Variants in CRISPLD2 observed in about 807,000 individuals in gnomAD.
The protein encoded by CRISPLD2 is cysteine rich secretory protein LCCL domain containing 2, also known as cysteine-rich secretory protein LCCL domain-containing 2.
Under a neutral mutation model 71.1 loss-of-function variants are expected in CRISPLD2, and 47 were observed. That is an observed-to-expected ratio of 0.66 (90% CI 0.52 to 0.84). The LOEUF (loss-of-function observed/expected upper bound fraction) is 0.84. Among genes scored for constraint, CRISPLD2 ranks in the 40% least tolerant of loss-of-function variants. The probability of loss-of-function intolerance (pLI) is 0.00; values close to 1 mark genes in which losing one functional copy is unlikely to be tolerated. For synonymous variants in CRISPLD2, 317 were observed against 250.1 expected (o/e 1.27, Z -2.52); for missense variants, 830 against 651.1 (o/e 1.27, Z -2.99).
intron 1 of CRISPLD2, among the ~76,000 whole-genome samples, chr16:84,833,634 C>G (rs9934825): frequency 6.6e-6 from 1 of 152,174 alleles, no homozygotes; most frequent in East Asian, 1.9e-4. Context: ...GGAGGGCACT[C>G]TGCAGGGGGC....
intron 3 of CRISPLD2, among the ~76,000 whole-genome samples, chr16:84,848,138 C>G (rs544169331): frequency 6.6e-6 from 1 of 152,314 alleles, no homozygotes; most frequent in South Asian, 2.1e-4. Context: ...CCGCGGGTTC[C>G]TTTCCCCACA....
At chr16:84,873,503 C>CAAAAAAAAAAAA (rs1333411767) in intron 10 of CRISPLD2, 2 of 88,678 alleles carry the variant, frequency 2.3e-5, no homozygotes, top group African/African-American at 6.8e-5. Context: ...AAAACAACAA[C>CAAAAAAAAAAAA]AACAAAAAAA....
chr16:84,832,064 T>TAAACA (rs1916502635), intron 1 of CRISPLD2, among the ~76,000 whole-genome samples: 1 of 152,250 alleles, frequency 6.6e-6, no homozygotes, highest in Non-Finnish European at 1.5e-5. Context: ...TTTGTTAAGG[T>TAAACA]AAACGTGGGC....
intron 1 of CRISPLD2, among the ~76,000 whole-genome samples, chr16:84,821,087 G>A (rs371412682): frequency 3.3e-5 from 5 of 152,254 alleles, no homozygotes; most frequent in Non-Finnish European, 5.9e-5. Context: ...CCGTGCAAAT[G>A]CCTAGCTTGC....
intron 14 of CRISPLD2, among the ~76,000 whole-genome samples, chr16:84,894,926 C>T (rs1000023179): frequency 6.6e-6 from 1 of 152,002 alleles, no homozygotes; most frequent in East Asian, 1.9e-4. Flanking sequence ...GTCTAGAAAT[C>T]CTGAGAAACA....
chr16:84,890,018 A>G (rs1196802243), intron 14 of CRISPLD2, among the ~76,000 whole-genome samples: 1 of 152,118 alleles, frequency 6.6e-6, no homozygotes, highest in African/African-American at 2.4e-5. Context: ...CCTGCCCCAC[A>G]GGGCTGTTGG....
At chr16:84,898,459 T>A (rs1172726984) in intron 14 of CRISPLD2, among the ~76,000 whole-genome samples, 1 of 152,138 alleles carries the variant, frequency 6.6e-6, no homozygotes, top group Non-Finnish European at 1.5e-5. Flanking sequence ...CACACCTCAG[T>A]GCTTTTGTAG....
intron 1 of CRISPLD2, among the ~76,000 whole-genome samples, chr16:84,834,832 G>A (rs1294102275): frequency 2.6e-5 from 4 of 152,028 alleles, no homozygotes; most frequent in African/African-American, 9.7e-5. Flanking sequence ...GCGTGTCTCG[G>A]TCCTAAACTC....
At chr16:84,846,409 C>T (rs569937714) in intron 3 of CRISPLD2, among the ~76,000 whole-genome samples, 17 of 152,262 alleles carry the variant, frequency 1.1e-4, no homozygotes, top group Admixed American at 2.0e-4. Flanking sequence ...TGTGCCACCA[C>T]GCCTGGCTAA....
At position 84,830,242 on chromosome 16, in the gene CRISPLD2, A is replaced by C. The variant is rs60813077; in HGVS notation, c.-74-8180A>C. ...GAGGCTGAGGTGGGAGGATCATTTG[A>C]GCCTGGGAGGTTGAGGCTGCAGTGA... On this transcript the variant is annotated intron_variant, in intron 1 of 14. Coordinates refer to ENST00000262424, the MANE Select transcript of CRISPLD2 (RefSeq NM_031476.4). 9.2e-3 allele frequency among the ~76,000 whole-genome samples: 1,407 copies of C among 152,284 alleles called. 25 individuals are homozygous for C. Among genetic ancestry groups the C allele is most frequent in the African/African-American group, 0.032 (1,343 of 41,548 alleles).
chr16:84,893,467 C>T (rs1470734833), intron 14 of CRISPLD2, among the ~76,000 whole-genome samples: 1 of 152,208 alleles, frequency 6.6e-6, no homozygotes, highest in South Asian at 2.1e-4. Flanking sequence ...CCTTCCAACG[C>T]TCACTCCATG....
intron 14 of CRISPLD2, among the ~76,000 whole-genome samples, chr16:84,890,561 T>C (rs1332335545): frequency 2.0e-5 from 3 of 152,098 alleles, no homozygotes; most frequent in African/African-American, 4.8e-5. Context: ...CCCTAGTAAG[T>C]AGTCTTCTCC....
In CRISPLD2 at chr16:84,896,355, G is replaced by C. The variant is rs1053528821; in HGVS notation, c.1439+6992G>C. On this transcript the variant is annotated intron_variant, in intron 14 of 14. Coordinates refer to ENST00000262424, the MANE Select transcript of CRISPLD2 (RefSeq NM_031476.4). ...TGAGCCACCGTGCCCAGCCAGGATT[G>C]GAATCCTTTAAAAAAAAAGACTATA... 1.3e-5 allele frequency among the ~76,000 whole-genome samples: 2 copies of C among 151,870 alleles called. 1 individual carries two copies.
At chr16:84,889,426 C>CCAG in intron 14 of CRISPLD2, 63 bp downstream of exon 14, 1 of 1,544,292 alleles carries the variant, frequency 6.5e-7, no homozygotes, top group Non-Finnish European at 8.8e-7. Context: ...CTCAGGGGGC[C>CCAG]TGGGAAGAGG....
chr16:84,871,017 G>C (rs908300291), intron 8 of CRISPLD2, among the ~76,000 whole-genome samples: 3 of 152,090 alleles, frequency 2.0e-5, no homozygotes, highest in Admixed American at 1.3e-4. Flanking sequence ...GAGGTGTACT[G>C]GTGCACTCTG....
At chr16:84,856,656 T>C (rs1209261209) in intron 6 of CRISPLD2, among the ~76,000 whole-genome samples, 1 of 152,200 alleles carries the variant, frequency 6.6e-6, no homozygotes, top group African/African-American at 2.4e-5. Context: ...TGGATGCTGA[T>C]TGAGGGCATA....
intron 1 of CRISPLD2, among the ~76,000 whole-genome samples, chr16:84,826,139 T>A (rs996422657): frequency 6.6e-6 from 1 of 152,064 alleles, no homozygotes; most frequent in Non-Finnish European, 1.5e-5. Flanking sequence ...GGCACAAAGG[T>A]GGGGCATGGA....
At chr16:84,849,313 C>A (rs901093113) in intron 3 of CRISPLD2, 72 bp from the exon 4 acceptor site, 2 of 1,452,338 alleles carry the variant, frequency 1.4e-6, no homozygotes, top group South Asian at 1.4e-5. Flanking sequence ...CCTACCTGCC[C>A]GTGGCTGCTG....
chr16:84,894,049 C>G (rs753062368), intron 14 of CRISPLD2, among the ~76,000 whole-genome samples: 6 of 152,224 alleles, frequency 3.9e-5, no homozygotes, highest in African/African-American at 7.2e-5. Context: ...TCTCAGCACA[C>G]GGGGCCGAAG....
Sources: gnomAD v4.1 joint callset for allele counts (sites outside exome capture counted in the v4.1 genomes callset) on GRCh38, gnomAD v4.1.1 for gene constraint, MANE v1.5 for transcripts, NCBI Gene and HGNC (gene_info 2026-07-23, HGNC 2026-07-21) for gene names.